DLG2: variants seen among roughly 807,000 people sequenced by gnomAD.
The protein encoded by DLG2 is discs large MAGUK scaffold protein 2.
DLG2 carries 45 observed loss-of-function variants against 132.5 expected under a neutral mutation model. The observed-to-expected ratio is 0.34, with a 90% CI of 0.27 to 0.44. DLG2 has a LOEUF of 0.44. Ranked by LOEUF, DLG2 falls within the 20% of genes least tolerant of loss-of-function variation. The pLI is 1.00. For missense variants in DLG2, 1,045 were observed against 1,196.9 expected (o/e 0.87, Z 1.87); for synonymous variants, 424 against 419.6 (o/e 1.01, Z -0.13).
At chr11:84,734,075 G>A (rs1168332802) in intron 6 of DLG2, among the ~76,000 whole-genome samples, 1 of 152,168 alleles carries the variant, frequency 6.6e-6, no homozygotes, top group Non-Finnish European at 1.5e-5. Context: ...GTAGCATGAT[G>A]CCTCCAGCTT....
At chr11:84,056,037 G>GGTCA (rs1249083341) in intron 11 of DLG2, among the ~76,000 whole-genome samples, 2 of 151,968 alleles carry the variant, frequency 1.3e-5, no homozygotes, top group East Asian at 3.9e-4. Context: ...GCTCAAGGAA[G>GGTCA]GTCAGATAAA....
intron 10 of DLG2, among the ~76,000 whole-genome samples, chr11:84,080,381 T>C (rs1292442601): frequency 6.6e-6 from 1 of 152,162 alleles, no homozygotes; most frequent in Non-Finnish European, 1.5e-5. Flanking sequence ...AACAGTGACA[T>C]AGCTCATATT....
At chr11:83,777,322 A>T (rs1255446606) in intron 18 of DLG2, among the ~76,000 whole-genome samples, 4 of 152,206 alleles carry the variant, frequency 2.6e-5, no homozygotes, top group Non-Finnish European at 5.9e-5. Flanking sequence ...TAATGAGTCT[A>T]TCAGGAATTC....
chr11:83,616,355 C>T (rs1469249172), intron 19 of DLG2, among the ~76,000 whole-genome samples: 1 of 152,138 alleles, frequency 6.6e-6, no homozygotes, highest in Non-Finnish European at 1.5e-5. Flanking sequence ...ATGTTTGAGA[C>T]TCTCTACATG....
chr11:83,689,036 C>T (rs1478719013), intron 18 of DLG2, among the ~76,000 whole-genome samples: 1 of 151,942 alleles, frequency 6.6e-6, no homozygotes, highest in Non-Finnish European at 1.5e-5. Context: ...TCTCCCTCTC[C>T]TTAGGCTCTC....
chr11:83,680,353 C>T (rs1440594282), intron 18 of DLG2, among the ~76,000 whole-genome samples: 1 of 152,126 alleles, frequency 6.6e-6, no homozygotes, highest in Non-Finnish European at 1.5e-5. Context: ...AAATAAACTA[C>T]CTTGTTCTTG....
chr11:85,417,958 G>C (rs1357198179), intron 3 of DLG2, among the ~76,000 whole-genome samples: 1 of 152,002 alleles, frequency 6.6e-6, no homozygotes, highest in African/African-American at 2.4e-5. Flanking sequence ...TCTGATCCTA[G>C]TTATTTCTTG....
chr11:84,393,688 GTTTA>G (rs1346683005), intron 7 of DLG2, among the ~76,000 whole-genome samples: 2 of 149,964 alleles, frequency 1.3e-5, no homozygotes, highest in Non-Finnish European at 2.9e-5. Context: ...ACTGTTTTGT[GTTTA>G]TTTTTTTCTT....
intron 6 of DLG2, among the ~76,000 whole-genome samples, chr11:84,957,798 C>A (rs372357741): frequency 6.6e-5 from 10 of 152,184 alleles, no homozygotes; most frequent in Non-Finnish European, 1.5e-4. Flanking sequence ...TCACGTGTAT[C>A]ATCTCTCACC....
chr11:84,322,562 A>G (rs989628497), intron 7 of DLG2, among the ~76,000 whole-genome samples: 2 of 151,254 alleles, frequency 1.3e-5, no homozygotes, highest in African/African-American at 4.9e-5. Flanking sequence ...ATTTTAAAAT[A>G]ATATAAGCCA....
intron 15 of DLG2, among the ~76,000 whole-genome samples, chr11:83,877,978 C>T (rs926908480): frequency 2.0e-5 from 3 of 152,140 alleles, no homozygotes; most frequent in Admixed American, 6.5e-5. Flanking sequence ...GAGTTACCAT[C>T]GCTAAGAAAT....
intron 7 of DLG2, among the ~76,000 whole-genome samples, chr11:84,527,893 T>TCTCTC (rs2099326301): frequency 4.4e-4 from 55 of 125,654 alleles, no homozygotes; most frequent in Non-Finnish European, 5.1e-4. Context: ...CTCCCTCCCT[T>TCTCTC]TCTCTCTCTC....
At chr11:85,318,439 GA>G (rs927495035) in intron 3 of DLG2, among the ~76,000 whole-genome samples, 1 of 151,152 alleles carries the variant, frequency 6.6e-6, no homozygotes, top group African/African-American at 2.4e-5. Flanking sequence ...TTAATGAGTA[GA>G]AAAAAAAGGA....
At chr11:83,879,263 T>C (rs1316391433) in intron 15 of DLG2, among the ~76,000 whole-genome samples, 1 of 152,208 alleles carries the variant, frequency 6.6e-6, no homozygotes, top group Non-Finnish European at 1.5e-5. Flanking sequence ...GTTATTCTAA[T>C]GGACAGCACA....
intron 3 of DLG2, among the ~76,000 whole-genome samples, chr11:85,587,238 T>C (rs1565723908): frequency 6.6e-6 from 1 of 152,298 alleles, no homozygotes; most frequent in East Asian, 1.9e-4. Flanking sequence ...ATAGTTTAAA[T>C]CCATTGTTTC....
chr11:84,581,189 C>CT (rs1440224166), intron 6 of DLG2, among the ~76,000 whole-genome samples: 1 of 152,082 alleles, frequency 6.6e-6, no homozygotes, highest in East Asian at 1.9e-4. Flanking sequence ...GTTCAGTAGT[C>CT]TTTTTTCAGT....
intron 6 of DLG2, among the ~76,000 whole-genome samples, chr11:85,086,284 G>A (rs1013685858): frequency 6.6e-6 from 1 of 151,930 alleles, no homozygotes; most frequent in Non-Finnish European, 1.5e-5. Context: ...ATTTCTTTTA[G>A]GGTTTCCCTC....
chr11:85,128,446 T>C (rs1211146395), intron 5 of DLG2, among the ~76,000 whole-genome samples: 1 of 152,190 alleles, frequency 6.6e-6, no homozygotes, highest in Non-Finnish European at 1.5e-5. Flanking sequence ...TGCCTTTGGG[T>C]GCCCATGGTC....
intron 13 of DLG2, 107 bp from the exon 14 acceptor site, chr11:83,963,130 G>T: frequency 7.8e-7 from 1 of 1,285,930 alleles, no homozygotes; most frequent in Non-Finnish European, 1.1e-6. Flanking sequence ...TTTGCTGCAT[G>T]CCAAGGTTTT....
Sources: allele counts gnomAD v4.1 joint callset (sites outside exome capture counted in the v4.1 genomes callset), GRCh38; gene constraint gnomAD v4.1.1; transcripts MANE v1.5; gene names NCBI Gene and HGNC (gene_info 2026-07-23, HGNC 2026-07-21).